Variants in OR9I1 observed in about 807,000 individuals in gnomAD.
OR9I1 encodes olfactory receptor 9I1.
Under a neutral mutation model 11.2 loss-of-function variants are expected in OR9I1, and 7 were observed. The ratio of observed to expected loss-of-function variants is 0.62; its 90% CI spans 0.36 to 1.17. The LOEUF (loss-of-function observed/expected upper bound fraction) is 1.17, where lower values mean the gene tolerates loss of function less well. OR9I1 is among the 50% of genes most tolerant of loss of function. The pLI is 0.02. For synonymous variants in OR9I1, 165 were observed against 153.4 expected (o/e 1.08, Z -0.56); for missense variants, 428 against 377.2 (o/e 1.13, Z -1.12).
Position 58,117,104 on chromosome 11 carries a change from G to C in OR9I1, c.*1396C>G, listed in dbSNP as rs1442067302. 3 of 152,134 alleles carry C rather than the reference G, an allele frequency of 2.0e-5. No individual in the cohort carries two copies. The highest frequency in any genetic ancestry group is 2.9e-5 in the Non-Finnish European group (2 of 68,024). The allele number at this position is 152,134 out of a possible 1,614,324, so 9.4% of individuals were successfully genotyped here. A position where few individuals can be genotyped will look rare whatever the true frequency, so the allele number is the denominator to read the frequency against. On this transcript the variant is annotated 3_prime_UTR_variant, in exon 3 of 3. Coordinates refer to ENST00000641439, the MANE Select transcript of OR9I1 (RefSeq NM_001005211.2). Reference sequence around the variant, plus strand: ...GTCAGTGGCCATTAAATTCTAGCAAGGGTCCAGGGTTGACATCAGAAAGTG... The same window carrying C: ...GTCAGTGGCCATTAAATTCTAGCAACGGTCCAGGGTTGACATCAGAAAGTG...
intron 2 of OR9I1, among the ~76,000 whole-genome samples, chr11:58,122,104 C>T (rs1264477053): frequency 6.6e-6 from 1 of 152,190 alleles, no homozygotes; most frequent in African/African-American, 2.4e-5. Context: ...GAGGCCCCAT[C>T]TCTAGAATCA....
In OR9I1 at chr11:58,118,727, T is replaced by C; in HGVS notation, c.718A>G (p.Thr240Ala). ...ACAGCAGTGATGTGAGAGGCACATG[T>C]GGAGAAAGTCTTGGCCCTGCCACCT... ...SSGGRAKTFS[T>A]CASHITAVAL... The change falls in exon 3 of 3, where the codon ACA becomes GCA. Residue 240 changes from threonine (T) to alanine (A), a missense_variant. Transcript: ENST00000641439. 1 of 1,614,036 alleles carries C rather than the reference T, an allele frequency of 6.2e-7. No individual in the cohort carries two copies. Among genetic ancestry groups the C allele is most frequent in the Non-Finnish European group, 8.5e-7 (1 of 1,179,970 alleles).
rs532769314 is a variant in OR9I1 at position 58,118,333 on chromosome 11, G to A, written c.*167C>T. The stretch of plus-strand genomic sequence containing the variant: ...GGATAAGAAGAAAGAACATGGAATT[G>A]CTGGAAACTAATTTCACCACAATTG... On this transcript the variant is annotated 3_prime_UTR_variant, in exon 3 of 3. Transcript: ENST00000641439. 4.0e-5 allele frequency: 23 copies of A among 568,516 alleles called. No individual in the cohort carries two copies. In the Admixed American group the frequency reaches 4.2e-4, roughly 10 times the overall value. 35.2% of individuals were successfully genotyped at this position (568,516 alleles called of 1,614,324 possible). A position where few individuals can be genotyped will look rare whatever the true frequency, so the allele number is the denominator to read the frequency against.
intron 2 of OR9I1, 120 bp from the exon 3 acceptor site, chr11:58,119,586 T>C (rs946469256): frequency 2.6e-5 from 15 of 587,740 alleles, no homozygotes; most frequent in Admixed American, 6.4e-5. Context: ...TAAGAAATTC[T>C]GAAACTGGCT....
Position 58,119,250 on chromosome 11 carries a change from G to C in OR9I1, c.195C>G (p.His65Gln). The change falls in exon 3 of 3, where the codon CAC becomes CAG. Residue 65 changes from histidine (H) to glutamine (Q), a missense_variant. His to Gln is a conservative substitution (Grantham distance 24). Transcript: ENST00000641439. ...LYTPMYFFLS[H>Q]LSLLDACYTS... Reference sequence around the variant, plus strand: ...TGTAACAGGCATCCAGCAGGGAGAGGTGGCTCAGGAAGAAGTACATTGGGG... The same window carrying C: ...TGTAACAGGCATCCAGCAGGGAGAGCTGGCTCAGGAAGAAGTACATTGGGG... 6.2e-7 allele frequency: 1 copy of C among 1,614,032 alleles called. No individual in the cohort carries two copies. Among genetic ancestry groups the C allele is most frequent in the Non-Finnish European group, 8.5e-7 (1 of 1,179,954 alleles).
At position 58,119,172 on chromosome 11, in the gene OR9I1, G is replaced by T. The variant is rs372462144; in HGVS notation, c.273C>A (p.Val91=). 1.9e-6 allele frequency: 3 copies of T among 1,614,014 alleles called. No individual in the cohort carries two copies. Among genetic ancestry groups the T allele is most frequent in the South Asian group, 1.1e-5 (1 of 91,054 alleles). ...GGGCAGCACAGTGGCCGTAGGAGATGACCGTTTTGCCTGTGGCCAATGTGG... is the reference window on the plus strand; with the variant it reads ...GGGCAGCACAGTGGCCGTAGGAGATTACCGTTTTGCCTGTGGCCAATGTGG... The part of the protein sequence containing the change: ...ILATLATGKT[V]ISYGHCAAQF... The change falls in exon 3 of 3, where the codon GTC becomes GTA. Residue 91 remains valine (V), a synonymous_variant. Coordinates refer to ENST00000641439, the MANE Select transcript of OR9I1 (RefSeq NM_001005211.2).
Position 58,116,902 on chromosome 11 carries a change from C to A in OR9I1, c.*1598G>T, listed in dbSNP as rs1853960751. The A allele has an allele frequency of 6.6e-6, 1 of 152,198 alleles. No individual in the cohort carries two copies. Among genetic ancestry groups the A allele is most frequent in the African/African-American group, 2.4e-5 (1 of 41,450 alleles). 9.4% of individuals were successfully genotyped at this position (152,198 alleles called of 1,614,324 possible). ...ATTCATAAAATAACATATTCACTTACAAATACATCCTTTTATTATTCTTGA... is the reference window on the plus strand; with the variant it reads ...ATTCATAAAATAACATATTCACTTAAAAATACATCCTTTTATTATTCTTGA... On this transcript the variant is annotated 3_prime_UTR_variant, in exon 3 of 3. Transcript: ENST00000641439.
rs1176793765 is a variant in OR9I1, at chr11:58,117,173, T to G, written c.*1327A>C. The G allele has an allele frequency of 3.9e-5, 6 of 152,236 alleles. No homozygotes were observed. The highest frequency in any genetic ancestry group is 1.3e-4 in the Admixed American group (2 of 15,278). The allele number at this position is 152,236 out of a possible 1,614,324, so 9.4% of individuals were successfully genotyped here. On this transcript the variant is annotated 3_prime_UTR_variant, in exon 3 of 3. Transcript: ENST00000641439. ...ATAAGAGAGCAATCTATATTGAACATCTGATTAGTGCTTGGCTATTTCTTA... is the reference window on the plus strand; with the variant it reads ...ATAAGAGAGCAATCTATATTGAACAGCTGATTAGTGCTTGGCTATTTCTTA...
At chr11:58,122,034 T>C (rs1374572) in intron 2 of OR9I1, among the ~76,000 whole-genome samples, 150,759 of 152,242 alleles carry the variant, frequency 0.99, 74,663 homozygotes, top group Non-Finnish European at 1. Flanking sequence ...TTTTTACTTC[T>C]CTTTCACCTA....
chr11:58,122,440 C>A (rs567401474), intron 2 of OR9I1, among the ~76,000 whole-genome samples: 2 of 152,280 alleles, frequency 1.3e-5, no homozygotes, highest in Admixed American at 6.5e-5. Flanking sequence ...ATGGACTTCG[C>A]TTTCTATTCT....
At position 58,118,508 on chromosome 11, in the gene OR9I1, T is replaced by C. The variant is rs903624806; in HGVS notation, c.937A>G (p.Ser313Gly). Residue 313 changes from serine (S) to glycine (G), a missense_variant, in exon 3 of 3, where the codon AGC (serine) becomes GGC (glycine). By Grantham distance (56) the Ser-to-Gly change is moderately conservative (BLOSUM62 0). Coordinates refer to ENST00000641439, the MANE Select transcript of OR9I1 (RefSeq NM_001005211.2). ...KVARRLQVSL[S>G]M ...ATTCCTCTTACTTAGATCTACATGC[T>C]CAGGGACACCTGGAGTCTCCTAGCG... 6.3e-7 allele frequency: 1 copy of C among 1,594,374 alleles called. No homozygotes were observed. Among genetic ancestry groups the C allele is most frequent in the Non-Finnish European group, 8.5e-7 (1 of 1,171,298 alleles).
intron 2 of OR9I1, among the ~76,000 whole-genome samples, chr11:58,120,802 C>CTATATATATATA (rs1216448405): frequency 2.7e-5 from 2 of 72,950 alleles, no homozygotes; most frequent in Non-Finnish European, 5.2e-5. Flanking sequence ...TATTTCAATA[C>CTATATATATATA]CATATATATA....
intron 1 of OR9I1, 119 bp downstream of exon 1, chr11:58,125,155 T>A (rs969047905): frequency 1.3e-5 from 2 of 151,694 alleles, no homozygotes; most frequent in African/African-American, 4.8e-5. Context: ...GCCTCCCACA[T>A]GAAACTATTT....
chr11:58,121,854 A>T (rs1854035919), intron 2 of OR9I1, among the ~76,000 whole-genome samples: 1 of 152,108 alleles, frequency 6.6e-6, no homozygotes, highest in Non-Finnish European at 1.5e-5. Context: ...TATATCCATA[A>T]ATGTCTGTGA....
Position 58,117,477 on chromosome 11 carries a change from A to T in OR9I1, c.*1023T>A, listed in dbSNP as rs1853968121. 1 of 152,198 alleles carries T rather than the reference A, an allele frequency of 6.6e-6. No homozygotes were observed. The highest frequency in any genetic ancestry group is 1.9e-4 in the East Asian group (1 of 5,202). The allele number at this position is 152,198 out of a possible 1,614,324, so 9.4% of individuals were successfully genotyped here. ...AGAGTTGCCAGAAGGCTCAAATAGG[A>T]ACAAGCATGTACCATACAAATTCTT... is the stretch of plus-strand genomic sequence containing the variant. On this transcript the variant is annotated 3_prime_UTR_variant, in exon 3 of 3. Transcript: ENST00000641439.
rs748618102 is a variant in OR9I1 at position 58,118,763 on chromosome 11, C to G, written c.682G>C (p.Val228Leu). ...YLLIIKTILK[V>L]KSSGGRAKTF... is the part of the protein sequence containing the mutation. Reference sequence around the variant, plus strand: ...TTGGCCCTGCCACCTGAAGACTTCACTTTCAAAATGGTCTTGATGATGAGC... The same window carrying G: ...TTGGCCCTGCCACCTGAAGACTTCAGTTTCAAAATGGTCTTGATGATGAGC... Residue 228 changes from valine to leucine, a missense_variant, in exon 3 of 3, where the codon GTG becomes CTG. By Grantham distance (32) the Val-to-Leu change is conservative. Coordinates refer to ENST00000641439, the MANE Select transcript of OR9I1 (RefSeq NM_001005211.2). The G allele has an allele frequency of 6.2e-7, 1 of 1,614,088 alleles. No homozygotes were observed. Among genetic ancestry groups the G allele is most frequent in the South Asian group, 1.1e-5 (1 of 91,088 alleles).
chr11:58,122,451 A>G (rs948916860), intron 2 of OR9I1, among the ~76,000 whole-genome samples: 3 of 152,180 alleles, frequency 2.0e-5, no homozygotes, highest in Admixed American at 2.0e-4. Context: ...TTTCTATTCT[A>G]TGAAATGGCA....
Position 58,117,999 on chromosome 11 carries a change from T to G in OR9I1, c.*501A>C, listed in dbSNP as rs911937685. The stretch of plus-strand genomic sequence containing the variant: ...TTCCTTCCCTTGGCCAGTTGGAGAC[T>G]GAGTTTTTCCTTATACAATACTCCC... On this transcript the variant is annotated 3_prime_UTR_variant, in exon 3 of 3. Transcript: ENST00000641439. 2.6e-5 allele frequency: 4 copies of G among 152,454 alleles called. No homozygotes were observed. The East Asian group carries it at 7.7e-4, about 29-fold the overall frequency. 9.4% of individuals were successfully genotyped at this position (152,454 alleles called of 1,614,324 possible). A position where few individuals can be genotyped will look rare whatever the true frequency, so the allele number is the denominator to read the frequency against.
intron 1 of OR9I1, among the ~76,000 whole-genome samples, chr11:58,125,045 G>T (rs1480210260): frequency 6.6e-6 from 1 of 152,140 alleles, no homozygotes; most frequent in African/African-American, 2.4e-5. Context: ...TCCAAAGCCA[G>T]AGTCCTAGTA....
Sources: gnomAD v4.1 joint callset for allele counts (sites outside exome capture counted in the v4.1 genomes callset) on GRCh38, gnomAD v4.1.1 for gene constraint, MANE v1.5 for transcripts, NCBI Gene and HGNC (gene_info 2026-07-23, HGNC 2026-07-21) for gene names.